Variants in XKR6 observed in about 807,000 individuals in gnomAD.
XKR6 encodes XK related 6, also known as XK-related protein 6.
A neutral mutation model predicts 56.7 loss-of-function variants in XKR6; 22 were observed. That is an observed-to-expected ratio of 0.39 (90% CI 0.28 to 0.55). XKR6 has a LOEUF of 0.55. Ranked by LOEUF, XKR6 falls within the 20% of genes least tolerant of loss-of-function variation. XKR6 has a pLI of 0.66. For synonymous variants in XKR6, 524 were observed against 387.8 expected, an observed-to-expected ratio of 1.35 and a Z score of -4.13; for missense variants, 852 against 889.0, an observed-to-expected ratio of 0.96 and a Z score of 0.53.
At chr8:11,155,329 T>C (rs1158828632) in intron 1 of XKR6, among the ~76,000 whole-genome samples, 2 of 152,254 alleles carry the variant, frequency 1.3e-5, no homozygotes, top group Non-Finnish European at 2.9e-5. Flanking sequence ...TAGTCTGATA[T>C]GTTTAAAACT....
chr8:10,900,633 G>A (rs1025059601), intron 2 of XKR6, among the ~76,000 whole-genome samples: 1 of 152,152 alleles, frequency 6.6e-6, no homozygotes, highest in Non-Finnish European at 1.5e-5. Context: ...AGCATTCATG[G>A]CAATTTTCCT....
chr8:11,155,127 A>G lies in XKR6; in HGVS notation c.764+45449T>C, dbSNP rs537056449. 4.6e-5 allele frequency among the ~76,000 whole-genome samples: 7 copies of G among 152,366 alleles called. No homozygotes were observed. In the East Asian group the frequency reaches 1.2e-3, roughly 25 times the overall value. ...CCTGCTTCACCAGTCTTGATACTGCATACTCCCACAACTGTGCTCATTTTA... is the reference window on the plus strand; with the variant it reads ...CCTGCTTCACCAGTCTTGATACTGCGTACTCCCACAACTGTGCTCATTTTA... On this transcript the variant is annotated intron_variant, in intron 1 of 2. Transcript: ENST00000416569.
chr8:11,043,333 G>A (rs1799332031), intron 1 of XKR6, among the ~76,000 whole-genome samples: 1 of 152,098 alleles, frequency 6.6e-6, no homozygotes. Flanking sequence ...TCACATGCTT[G>A]GAGCTAAGCG....
At chr8:11,027,692 G>A (rs1339314018) in intron 1 of XKR6, among the ~76,000 whole-genome samples, 1 of 152,230 alleles carries the variant, frequency 6.6e-6, no homozygotes, top group Non-Finnish European at 1.5e-5. Flanking sequence ...CACGTCTACT[G>A]GCAGTGTGGC....
chr8:10,991,534 C>T (rs1797993502), intron 1 of XKR6, among the ~76,000 whole-genome samples: 2 of 152,078 alleles, frequency 1.3e-5, no homozygotes, highest in African/African-American at 2.4e-5. Flanking sequence ...TCTGGGTCCT[C>T]GGGGTTGCCA....
intron 1 of XKR6, chr8:11,062,689 T>C (rs1200183280): frequency 2.2e-6 from 1 of 453,696 alleles, no homozygotes; most frequent in Non-Finnish European, 4.4e-6. Context: ...TGGTTTTTAG[T>C]TAGAGTTTCA....
At chr8:11,087,811 A>C (rs1205628815) in intron 1 of XKR6, among the ~76,000 whole-genome samples, 3 of 152,234 alleles carry the variant, frequency 2.0e-5, no homozygotes, top group Non-Finnish European at 1.5e-5. Context: ...ATCTCCACTG[A>C]TAAGTAGTGA....
chr8:10,942,560 CAA>C (rs766692861), intron 1 of XKR6, among the ~76,000 whole-genome samples: 5 of 152,346 alleles, frequency 3.3e-5, no homozygotes, highest in South Asian at 4.1e-4. Context: ...AGCAAAAAGC[CAA>C]ACTCACATTC....
chr8:11,042,668 C>G (rs900115279), intron 1 of XKR6, among the ~76,000 whole-genome samples: 1 of 152,198 alleles, frequency 6.6e-6, no homozygotes, highest in Admixed American at 6.5e-5. Context: ...CCAAAAATCC[C>G]AAATCTGAAA....
At chr8:11,141,000 A>C (rs1318039048) in intron 1 of XKR6, among the ~76,000 whole-genome samples, 1 of 152,148 alleles carries the variant, frequency 6.6e-6, no homozygotes, top group Non-Finnish European at 1.5e-5. Context: ...CTGTGAGTAT[A>C]AACTGATTAC....
intron 1 of XKR6, among the ~76,000 whole-genome samples, chr8:11,198,415 ATATT>A (rs1804007504): frequency 2.0e-5 from 3 of 151,954 alleles, no homozygotes; most frequent in Admixed American, 6.6e-5. Flanking sequence ...ACTTTAGGAA[ATATT>A]TAGAGATATA....
intron 1 of XKR6, among the ~76,000 whole-genome samples, chr8:10,957,901 T>A (rs147137647): frequency 1.3e-5 from 2 of 151,206 alleles, no homozygotes; most frequent in African/African-American, 4.9e-5. Flanking sequence ...CAATGTGATT[T>A]TTTAAAAACT....
chr8:10,940,636 C>A (rs1260141436), intron 1 of XKR6, among the ~76,000 whole-genome samples: 1 of 152,172 alleles, frequency 6.6e-6, no homozygotes, highest in African/African-American at 2.4e-5. Flanking sequence ...ACAGGTCCCA[C>A]CCTCCTCCTG....
At chr8:11,109,212 T>C (rs1041403235) in intron 1 of XKR6, 1 of 152,210 alleles carries the variant, frequency 6.6e-6, no homozygotes, top group Non-Finnish European at 1.5e-5. Flanking sequence ...ATGTGTTCTA[T>C]TTCTAGGAAG....
At chr8:11,075,991 TG>T (rs1434859414) in intron 1 of XKR6, among the ~76,000 whole-genome samples, 4 of 152,168 alleles carry the variant, frequency 2.6e-5, no homozygotes, top group Non-Finnish European at 5.9e-5. Flanking sequence ...GACACATGAA[TG>T]GAGAAACCCA....
chr8:10,997,721 G>A (rs1041908683), intron 1 of XKR6, among the ~76,000 whole-genome samples: 2 of 152,090 alleles, frequency 1.3e-5, no homozygotes, highest in African/African-American at 4.8e-5. Context: ...ACTACTAGGG[G>A]GATTGGGTCC....
chr8:11,192,312 C>G (rs1399007024), intron 1 of XKR6, among the ~76,000 whole-genome samples: 1 of 152,064 alleles, frequency 6.6e-6, no homozygotes, highest in African/African-American at 2.4e-5. Flanking sequence ...GCGCGTGCCA[C>G]CACGCCCGGC....
At chr8:11,119,813 C>G (rs1262588186) in intron 1 of XKR6, among the ~76,000 whole-genome samples, 1 of 152,084 alleles carries the variant, frequency 6.6e-6, no homozygotes, top group Admixed American at 6.6e-5. Context: ...CCGAATCCAG[C>G]AGCACATCAA....
rs1290223283 is a variant in XKR6, at chr8:10,911,009, G to C, written c.962-12093C>G. On this transcript the variant is annotated intron_variant, in intron 2 of 2. Transcript: ENST00000416569. ...GCACAATGCCCTGTTGCTCCCAGAAGTGGCTGTGTTTTGACAGAGGCAGTG... is the reference window on the plus strand; with the variant it reads ...GCACAATGCCCTGTTGCTCCCAGAACTGGCTGTGTTTTGACAGAGGCAGTG... Among the ~76,000 whole-genome samples, 2 of 152,114 alleles carry C rather than the reference G, an allele frequency of 1.3e-5. 1 individual carries two copies. Among genetic ancestry groups the C allele is most frequent in the Admixed American group, 1.3e-4 (2 of 15,276 alleles).
Sources: gnomAD v4.1 joint callset for allele counts (sites outside exome capture counted in the v4.1 genomes callset) on GRCh38, gnomAD v4.1.1 for gene constraint, MANE v1.5 for transcripts, NCBI Gene and HGNC (gene_info 2026-07-23, HGNC 2026-07-21) for gene names.